The following ANK3 variants were observed in gnomAD, a reference collection of about 807,000 sequenced individuals.
ANK3 encodes the protein ankyrin 3, also known as ankyrin-3.
In ANK3, 57 loss-of-function variants were observed where a neutral mutation model predicts 370.9. The observed-to-expected ratio is 0.15, with a 90% confidence interval of 0.12 to 0.19. The LOEUF (loss-of-function observed/expected upper bound fraction) is 0.19, where lower values mean the gene tolerates loss of function less well. ANK3 is among the 10% of genes least tolerant of loss of function. ANK3 has a pLI of 1.00. For missense variants in ANK3, 4,439 were observed against 5,302.1 expected (o/e 0.84, Z 5.06); for synonymous variants, 1,929 against 1,946.3 (o/e 0.99, Z 0.23).
chr10:60,616,612 T>C (rs183094270), intron 1 of ANK3, among the ~76,000 whole-genome samples: 83 of 152,120 alleles, frequency 5.5e-4, no homozygotes, highest in Non-Finnish European at 1.9e-4. Context: ...ATTTATGATA[T>C]ACATTTTTGT....
chr10:60,415,373 C>T (rs1225172767), intron 2 of ANK3, among the ~76,000 whole-genome samples: 3 of 152,086 alleles, frequency 2.0e-5, no homozygotes, highest in Non-Finnish European at 2.9e-5. Flanking sequence ...ATCTGCAAAA[C>T]GTAAAAAGAA....
chr10:60,277,007 T>C (rs2098101018), intron 4 of ANK3, among the ~76,000 whole-genome samples: 1 of 152,210 alleles, frequency 6.6e-6, no homozygotes. Context: ...AAAAGCATTA[T>C]TACTCCAAGA....
rs1007940222 is a variant in ANK3 at position 60,075,339 on chromosome 10, A to C, written c.5542T>G (p.Ser1848Ala). 1 of 1,614,046 alleles carries C rather than the reference A, an allele frequency of 6.2e-7. No homozygotes were observed. Among genetic ancestry groups the C allele is most frequent in the African/African-American group, 1.3e-5 (1 of 74,938 alleles). The change falls in exon 37 of 44, where the codon TCA becomes GCA. Residue 1848 changes from serine to alanine, a missense_variant. Ser to Ala is a moderately conservative substitution (Grantham distance 99). Transcript: ENST00000280772. ...KLPDSNSFTKSAAALLSPIKT... is the reference protein window; with the variant it reads ...KLPDSNSFTKAAAALLSPIKT... ...ATGGGTGACAGCAAGGCTGCTGCTG[A>C]TTTTGTAAATGAATTAGAGTCTGGA...
chr10:60,730,738 G>C (rs12763244), intron 1 of ANK3, among the ~76,000 whole-genome samples: 3,307 of 152,284 alleles, frequency 0.022, 53 homozygotes, highest in Non-Finnish European at 0.032. Flanking sequence ...CAACAGCCCA[G>C]TCAATACATA....
intron 1 of ANK3, among the ~76,000 whole-genome samples, chr10:60,302,296 T>C (rs2043986802): frequency 6.6e-6 from 1 of 152,124 alleles, no homozygotes. Flanking sequence ...AATGTCACAA[T>C]AATGTAGATG....
chr10:60,398,408 A>T (rs1399417688), intron 2 of ANK3, among the ~76,000 whole-genome samples: 1 of 152,142 alleles, frequency 6.6e-6, no homozygotes, highest in Non-Finnish European at 1.5e-5. Flanking sequence ...TCAAAACCTG[A>T]TGCTTGGAAT....
At chr10:60,383,457 G>C (rs939182248) in intron 1 of ANK3, among the ~76,000 whole-genome samples, 25 of 152,130 alleles carry the variant, frequency 1.6e-4, no homozygotes, top group Admixed American at 1.0e-3. Context: ...GATAGTGCCA[G>C]AATCTGAACT....
chr10:60,400,009 AGTGTGTGT>A (rs60224309), intron 2 of ANK3, among the ~76,000 whole-genome samples: 10,405 of 145,854 alleles, frequency 0.071, 436 homozygotes, highest in South Asian at 0.1. Flanking sequence ...CCTCCAATAC[AGTGTGTGT>A]GTGTGTGTGT....
intron 2 of ANK3, among the ~76,000 whole-genome samples, chr10:60,571,469 G>A (rs1214282114): frequency 1.3e-5 from 2 of 152,088 alleles, no homozygotes; most frequent in Non-Finnish European, 2.9e-5. Flanking sequence ...CACTGTCTGA[G>A]CATACATTAC....
rs557185647 is a variant in ANK3, at chr10:60,579,352, A to G, written c.96+35834T>C. On this transcript the variant is annotated intron_variant, in intron 2 of 43. Coordinates refer to the ANK3 transcript ENST00000373827. ...AAAAAAAAAAAAAAAAAAAAAAAAG[A>G]TATTTCTAGTTGCAAAATAAATAAA... Among the ~76,000 whole-genome samples the G allele has an allele frequency of 3.3e-4, 48 of 145,864 alleles. No homozygotes were observed. In the East Asian group the frequency reaches 9.4e-3, roughly 28 times the overall value.
At chr10:60,395,431 C>A (rs572715032) in intron 2 of ANK3, among the ~76,000 whole-genome samples, 1 of 152,254 alleles carries the variant, frequency 6.6e-6, no homozygotes, top group African/African-American at 2.4e-5. Flanking sequence ...CAGCACTCGT[C>A]TACATAAAGA....
At chr10:60,059,303 A>G in intron 41 of ANK3, 37 bp downstream of exon 41, 1 of 1,522,786 alleles carries the variant, frequency 6.6e-7, no homozygotes, top group Non-Finnish European at 9.1e-7. Context: ...TTAACAAGTA[A>G]CCTGTGTTCA....
intron 2 of ANK3, among the ~76,000 whole-genome samples, chr10:60,443,976 A>C (rs1426434544): frequency 6.6e-6 from 1 of 151,930 alleles, no homozygotes; most frequent in Non-Finnish European, 1.5e-5. Context: ...GGGCTCTTGA[A>C]CTCACCTTCA....
chr10:60,364,145 T>A (rs984348252), intron 1 of ANK3, among the ~76,000 whole-genome samples: 105 of 151,750 alleles, frequency 6.9e-4, no homozygotes, highest in African/African-American at 2.4e-3. Context: ...AATACAAAAA[T>A]TAGCCGGGCA....
At chr10:60,528,018 C>T (rs999757242) in intron 2 of ANK3, among the ~76,000 whole-genome samples, 2 of 151,932 alleles carry the variant, frequency 1.3e-5, no homozygotes, top group African/African-American at 2.4e-5. Context: ...TAGAACAGTG[C>T]TCACCAAGAT....
chr10:60,600,010 T>C (rs2078038662), intron 2 of ANK3, among the ~76,000 whole-genome samples: 2 of 152,166 alleles, frequency 1.3e-5, no homozygotes, highest in South Asian at 4.1e-4. Flanking sequence ...ATTCTTTCTT[T>C]TACTCCCTTC....
At position 60,106,005 on chromosome 10, in the gene ANK3, T is replaced by C. The variant is rs371356572; in HGVS notation, c.3228A>G (p.Glu1076=). Residue 1076 remains glutamate (E), a synonymous_variant, in exon 28 of 44, where the codon GAA becomes GAG. Coordinates refer to ENST00000280772, the MANE Select transcript of ANK3 (RefSeq NM_020987.5). ...HFGSMRGKER[E]LIVLRSENGE... ...CATTTTCACTTCGAAGAACAATGAG[T>C]TCTCTCTCTTTTCCTCTCATGGACC... The C allele has an allele frequency of 3.6e-5, 58 of 1,612,654 alleles. No individual in the cohort carries two copies. Among genetic ancestry groups the C allele is most frequent in the Non-Finnish European group, 5.1e-6 (6 of 1,179,412 alleles).
intron 2 of ANK3, among the ~76,000 whole-genome samples, chr10:60,446,964 C>A (rs867780892): frequency 1.3e-5 from 2 of 152,248 alleles, no homozygotes; most frequent in African/African-American, 4.8e-5. Flanking sequence ...AGAAGTACTA[C>A]GGAAGCAGGA....
At chr10:60,437,425 G>C (rs1307873323) in intron 2 of ANK3, among the ~76,000 whole-genome samples, 1 of 152,244 alleles carries the variant, frequency 6.6e-6, no homozygotes, top group African/African-American at 2.4e-5. Context: ...CAGTAGGGCT[G>C]TCATGTAGGG....
Sources: gnomAD v4.1 joint callset for allele counts (sites outside exome capture counted in the v4.1 genomes callset) on GRCh38, gnomAD v4.1.1 for gene constraint, MANE v1.5 for transcripts, NCBI Gene and HGNC (gene_info 2026-07-23, HGNC 2026-07-21) for gene names.